Variants in OVCH1 observed in about 807,000 individuals in gnomAD.
The protein encoded by OVCH1 is ovochymase-1.
OVCH1 carries 139 observed loss-of-function variants against 138.4 expected under a neutral mutation model. That is an observed-to-expected ratio of 1.00 (90% CI 0.87 to 1.16). The LOEUF is 1.16. OVCH1 is among the 50% of genes most tolerant of loss of function. The pLI is 0.00. For missense variants in OVCH1, 1,367 were observed against 1,357.9 expected (o/e 1.01, Z -0.11); for synonymous variants, 453 against 467.8 (o/e 0.97, Z 0.41).
At chr12:29,460,572 C>T (rs1488438781) in intron 19 of OVCH1, among the ~76,000 whole-genome samples, 1 of 152,070 alleles carries the variant, frequency 6.6e-6, no homozygotes, top group Admixed American at 6.6e-5. Flanking sequence ...AGCCATTTCC[C>T]ACAGCAGCCC....
At position 29,489,173 on chromosome 12, in the gene OVCH1, AT is replaced by A. The variant is rs559607095; in HGVS notation, c.702+446del. Among the ~76,000 whole-genome samples the A allele has an allele frequency of 4.1e-4, 62 of 152,254 alleles. 1 individual carries two copies. The South Asian group carries it at 0.012, about 30-fold the overall frequency. On this transcript the variant is annotated intron_variant, in intron 6 of 27. Transcript: ENST00000318184. The stretch of plus-strand genomic sequence containing the variant: ...TGTGAAGTTGTGTCAGTCTTGGGAG[AT>A]TGTAGTTATTCCCAATATCTCTTAC...
At chr12:29,441,812 G>A (rs1202376557) in intron 25 of OVCH1, among the ~76,000 whole-genome samples, 2 of 151,972 alleles carry the variant, frequency 1.3e-5, no homozygotes, top group Non-Finnish European at 2.9e-5. Context: ...ATGGGCAAAG[G>A]ACATGAACAG....
chr12:29,439,522 G>A (rs1941433893), intron 25 of OVCH1: 3 of 1,329,374 alleles, frequency 2.3e-6, no homozygotes, highest in East Asian at 2.9e-5. Context: ...ACCAACTAAA[G>A]GAAAAATCTC....
At position 29,470,310 on chromosome 12, in the gene OVCH1, C is replaced by T. The variant is rs576215455; in HGVS notation, c.1856+1492G>A. The stretch of plus-strand genomic sequence containing the variant: ...ATACATCTGCCACAGTGGTTTGCTG[C>T]ACTTATCAACCTGTCGTCTAGGTTT... On this transcript the variant is annotated intron_variant, in intron 16 of 27. Transcript: ENST00000318184. Among the ~76,000 whole-genome samples the T allele has an allele frequency of 2.0e-5, 3 of 152,196 alleles. No homozygotes were observed. The South Asian group carries it at 6.2e-4, about 32-fold the overall frequency.
chr12:29,495,206 A>G, intron 4 of OVCH1, 79 bp downstream of exon 4: 2 of 1,335,286 alleles, frequency 1.5e-6, no homozygotes, highest in Non-Finnish European at 2.1e-6. Flanking sequence ...AGACAGCCAC[A>G]CAGACATTAA....
At chr12:29,443,239 A>C (rs1941532939) in intron 25 of OVCH1, 122 bp downstream of exon 25, 3 of 936,272 alleles carry the variant, frequency 3.2e-6, no homozygotes, top group Non-Finnish European at 4.5e-6. Context: ...AGTCTATTTC[A>C]ACATCCTATA....
At chr12:29,494,922 C>T (rs1943372475) in intron 4 of OVCH1, among the ~76,000 whole-genome samples, 1 of 152,046 alleles carries the variant, frequency 6.6e-6, no homozygotes, top group African/African-American at 2.4e-5. Flanking sequence ...TCAAGTGTTC[C>T]TAGCATATAC....
At chr12:29,476,340 G>T in intron 12 of OVCH1, 41 bp from the exon 13 acceptor site, 1 of 1,482,278 alleles carries the variant, frequency 6.7e-7, no homozygotes, top group Non-Finnish European at 9.4e-7. Context: ...GGTCAAAGAA[G>T]AGAAGAGAGA....
At chr12:29,440,644 T>C in intron 25 of OVCH1, 1 of 447,810 alleles carries the variant, frequency 2.2e-6, no homozygotes, top group Admixed American at 2.4e-5. Context: ...GAAGTATACA[T>C]CATTTTCATA....
intron 15 of OVCH1, 59 bp downstream of exon 15, chr12:29,472,970 A>C: frequency 9.9e-6 from 14 of 1,408,926 alleles, no homozygotes; most frequent in African/African-American, 1.4e-5. Flanking sequence ...TCCAAAAGAG[A>C]CATCTAGTTA....
chr12:29,438,078 T>C (rs1178502204), intron 26 of OVCH1, among the ~76,000 whole-genome samples: 2 of 152,172 alleles, frequency 1.3e-5, no homozygotes, highest in Non-Finnish European at 2.9e-5. Context: ...CAGGAACTTA[T>C]TAATTTGTTT....
intron 26 of OVCH1, among the ~76,000 whole-genome samples, chr12:29,437,175 A>G (rs1310094480): frequency 6.6e-6 from 1 of 152,192 alleles, no homozygotes; most frequent in Non-Finnish European, 1.5e-5. Context: ...CTTTAGCTAG[A>G]CACAGAACGC....
At chr12:29,412,112 G>C (rs139827598), downstream of OVCH1, among the ~76,000 whole-genome samples, 3 of 152,132 alleles carry the variant, frequency 2.0e-5, no homozygotes, top group Non-Finnish European at 4.4e-5. Context: ...CTCTGAGCCA[G>C]GTGCGGGATA....
intron 22 of OVCH1, among the ~76,000 whole-genome samples, chr12:29,449,777 CA>C (rs1473851647): frequency 1.3e-5 from 2 of 152,138 alleles, no homozygotes; most frequent in Non-Finnish European, 2.9e-5. Flanking sequence ...TGCAAGGCTA[CA>C]GTAACCAAAA....
chr12:29,415,458 T>C (rs551835592), intron 3 of OVCH1, among the ~76,000 whole-genome samples: 15 of 152,272 alleles, frequency 9.9e-5, no homozygotes, highest in African/African-American at 2.9e-4. Context: ...GAGAAATTTA[T>C]AAAATACCAC....
intron 25 of OVCH1, among the ~76,000 whole-genome samples, chr12:29,442,236 T>C (rs1941504259): frequency 6.6e-6 from 1 of 151,984 alleles, no homozygotes; most frequent in South Asian, 2.1e-4. Flanking sequence ...TGTCCAACAA[T>C]GATAGACCGG....
At chr12:29,474,988 A>G (rs1942651715) in intron 14 of OVCH1, 73 bp downstream of exon 14, 4 of 1,478,460 alleles carry the variant, frequency 2.7e-6, no homozygotes, top group Non-Finnish European at 3.6e-6. Context: ...ATTGAGGTAA[A>G]CATGGCTAAA....
intron 19 of OVCH1, among the ~76,000 whole-genome samples, chr12:29,458,022 G>A (rs1309552490): frequency 6.6e-6 from 1 of 152,142 alleles, no homozygotes; most frequent in African/African-American, 2.4e-5. Flanking sequence ...AGGCTAGAAG[G>A]CAAATCAATG....
chr12:29,416,926 A>G (rs1022585740), intron 3 of OVCH1, among the ~76,000 whole-genome samples: 1 of 152,236 alleles, frequency 6.6e-6, no homozygotes, highest in African/African-American at 2.4e-5. Flanking sequence ...CAGAAGAACC[A>G]TTAAACAAAC....
Sources: allele counts gnomAD v4.1 joint callset (sites outside exome capture counted in the v4.1 genomes callset), GRCh38; gene constraint gnomAD v4.1.1; transcripts MANE v1.5; gene names NCBI Gene and HGNC (gene_info 2026-07-23, HGNC 2026-07-21).